The following PAG1 variants were observed in gnomAD, a reference collection of about 807,000 sequenced individuals.
PAG1 encodes the protein phosphoprotein associated with glycosphingolipid-enriched microdomains 1.
Under a neutral mutation model 31.7 loss-of-function variants are expected in PAG1, and 23 were observed. The observed-to-expected ratio is 0.73, with a 90% CI of 0.52 to 1.03. PAG1 has a LOEUF of 1.03. Ranked by LOEUF, PAG1 falls within the 50% of genes least tolerant of loss-of-function variation. The probability of loss-of-function intolerance (pLI) is 0.00; values close to 1 mark genes in which losing one functional copy is unlikely to be tolerated. For synonymous variants in PAG1, 214 were observed against 210.3 expected (o/e 1.02, Z -0.15); for missense variants, 473 against 540.7 (o/e 0.87, Z 1.24).
At chr8:80,982,896 G>A (rs184634009) in intron 7 of PAG1, among the ~76,000 whole-genome samples, 4 of 152,174 alleles carry the variant, frequency 2.6e-5, no homozygotes, top group Admixed American at 1.3e-4. Flanking sequence ...CCAGGCCACC[G>A]CCATTTCTAA....
At chr8:81,010,982 G>A (rs770422871) in intron 3 of PAG1, among the ~76,000 whole-genome samples, 20 of 152,208 alleles carry the variant, frequency 1.3e-4, no homozygotes, top group Non-Finnish European at 2.4e-4. Context: ...CTTAAAGATC[G>A]TGTTCTCAGA....
chr8:80,984,623 GAAAAAGCCA>G (rs1807375098), intron 7 of PAG1, among the ~76,000 whole-genome samples, 144 bp downstream of exon 7: 1 of 152,140 alleles, frequency 6.6e-6, no homozygotes, highest in Non-Finnish European at 1.5e-5. Context: ...CTTGGAGGGG[GAAAAAGCCA>G]AACACAGCTT....
At chr8:81,107,606 G>C (rs1439031227) in intron 1 of PAG1, among the ~76,000 whole-genome samples, 3 of 152,248 alleles carry the variant, frequency 2.0e-5, no homozygotes, top group African/African-American at 7.2e-5. Flanking sequence ...CAAGGTCACA[G>C]TGAGGATGAA....
At chr8:80,994,105 TA>T (rs1177984206) in intron 3 of PAG1, among the ~76,000 whole-genome samples, 3 of 151,638 alleles carry the variant, frequency 2.0e-5, no homozygotes, top group Non-Finnish European at 2.9e-5. Context: ...CTAATCTCCC[TA>T]ATCCACTGCC....
intron 3 of PAG1, among the ~76,000 whole-genome samples, chr8:81,020,353 C>T (rs1378788013): frequency 1.3e-5 from 2 of 152,064 alleles, no homozygotes; most frequent in African/African-American, 4.8e-5. Flanking sequence ...TTGGCTATGT[C>T]CCCACCCAAA....
chr8:81,044,497 C>G (rs918707806), intron 2 of PAG1, among the ~76,000 whole-genome samples: 6 of 152,318 alleles, frequency 3.9e-5, no homozygotes, highest in Admixed American at 2.0e-4. Context: ...AAACATCCAT[C>G]CCCTGCAGGC....
chr8:80,988,309 C>G (rs1183309639), intron 5 of PAG1, among the ~76,000 whole-genome samples: 2 of 152,150 alleles, frequency 1.3e-5, no homozygotes, highest in East Asian at 3.8e-4. Flanking sequence ...AGGCATCACC[C>G]TTTGTCATGT....
intron 2 of PAG1, among the ~76,000 whole-genome samples, chr8:81,032,541 C>T (rs1354558227): frequency 6.6e-6 from 1 of 152,160 alleles, no homozygotes; most frequent in African/African-American, 2.4e-5. Context: ...TAGTGATTTG[C>T]TCTTGGCCAT....
At chr8:81,083,321 T>C (rs1809298922) in intron 1 of PAG1, among the ~76,000 whole-genome samples, 1 of 152,142 alleles carries the variant, frequency 6.6e-6, no homozygotes, top group Admixed American at 6.5e-5. Flanking sequence ...TCATTACTGT[T>C]AGGAGTTGGG....
intron 2 of PAG1, among the ~76,000 whole-genome samples, chr8:81,042,160 G>A (rs17569592): frequency 0.03 from 4,607 of 152,204 alleles, 115 homozygotes; most frequent in Middle Eastern, 0.082. Context: ...AAATCCATGG[G>A]GTACCAACTA....
chr8:81,102,092 A>G (rs996943112), intron 1 of PAG1, among the ~76,000 whole-genome samples: 1 of 152,148 alleles, frequency 6.6e-6, no homozygotes, highest in African/African-American at 2.4e-5. Flanking sequence ...ATGAGGCATG[A>G]AATGACCAAA....
At position 81,076,322 on chromosome 8, in the gene PAG1, G is replaced by T. The variant is rs112065905; in HGVS notation, c.-233-6152C>A. Among the ~76,000 whole-genome samples the T allele has an allele frequency of 9.1e-3, 1,386 of 152,330 alleles. 20 individuals are homozygous for T. Among genetic ancestry groups the T allele is most frequent in the African/African-American group, 0.031 (1,288 of 41,566 alleles). On this transcript the variant is annotated intron_variant, in intron 1 of 8. Transcript: ENST00000220597. ...GTATCACCTAACAGCCCATGATTCA[G>T]AGATAACAATGTCTAGCTCTGCCTC... is the stretch of plus-strand genomic sequence containing the variant.
At position 80,976,410 on chromosome 8, in the gene PAG1, G is replaced by A. The variant is rs187614735; in HGVS notation, c.*134C>T. 11 of 876,204 alleles carry A rather than the reference G, an allele frequency of 1.3e-5. No homozygotes were observed. Among genetic ancestry groups the A allele is most frequent in the African/African-American group, 8.4e-5 (5 of 59,636 alleles). 54.3% of individuals were successfully genotyped at this position (876,204 alleles called of 1,614,324 possible). A position where few individuals can be genotyped will look rare whatever the true frequency, so the allele number is the denominator to read the frequency against. ...AAACTGAACAACTGGGAGAACAGTC[G>A]ACAGGGCCTCTCCAACCATCTTCAG... is the stretch of plus-strand genomic sequence containing the variant. On this transcript the variant is annotated 3_prime_UTR_variant, in exon 9 of 9. Transcript: ENST00000220597.
chr8:80,980,371 A>C, intron 8 of PAG1, 64 bp downstream of exon 8: 2 of 881,062 alleles, frequency 2.3e-6, no homozygotes, highest in South Asian at 1.4e-5. Flanking sequence ...CAGTGCATTT[A>C]TTCAAGGGGG....
chr8:80,989,391 T>C (rs897298528), intron 5 of PAG1, among the ~76,000 whole-genome samples: 1 of 152,196 alleles, frequency 6.6e-6, no homozygotes, highest in African/African-American at 2.4e-5. Context: ...CTCTAACTAC[T>C]ATTCCTAATC....
chr8:81,111,860 G>C lies in PAG1; in HGVS notation c.-503C>G, dbSNP rs1044328900. 6.6e-6 allele frequency: 1 copy of C among 152,376 alleles called. No individual in the cohort carries two copies. The highest frequency in any genetic ancestry group is 6.5e-5 in the Admixed American group (1 of 15,302). 9.4% of individuals were successfully genotyped at this position (152,376 alleles called of 1,614,324 possible). ...GAGCGCTGCAGCTGCCTCCAGCCCCGGAGCGCGGCGCTCCGAGCCCCTGGT... is the reference window on the plus strand; with the variant it reads ...GAGCGCTGCAGCTGCCTCCAGCCCCCGAGCGCGGCGCTCCGAGCCCCTGGT... On this transcript the variant is annotated 5_prime_UTR_variant, in exon 1 of 9. Coordinates refer to ENST00000220597, the MANE Select transcript of PAG1 (RefSeq NM_018440.4).
intron 2 of PAG1, among the ~76,000 whole-genome samples, chr8:81,047,882 T>C (rs16908466): frequency 0.13 from 20,032 of 152,178 alleles, 1,463 homozygotes; most frequent in East Asian, 0.22. Flanking sequence ...AGATAAACTA[T>C]AGAGAGAATC....
intron 1 of PAG1, among the ~76,000 whole-genome samples, chr8:81,077,114 C>T (rs1809191251): frequency 6.6e-6 from 1 of 152,168 alleles, no homozygotes; most frequent in African/African-American, 2.4e-5. Context: ...ATCTGCAGAC[C>T]AGCAGCATTG....
At chr8:81,087,686 C>T (rs947350400) in intron 1 of PAG1, among the ~76,000 whole-genome samples, 1 of 152,192 alleles carries the variant, frequency 6.6e-6, no homozygotes, top group African/African-American at 2.4e-5. Context: ...TAGGACTTGA[C>T]TTGCACAAAG....
Sources: allele counts gnomAD v4.1 joint callset (sites outside exome capture counted in the v4.1 genomes callset), GRCh38; gene constraint gnomAD v4.1.1; transcripts MANE v1.5; gene names NCBI Gene and HGNC (gene_info 2026-07-23, HGNC 2026-07-21).